Variants in ADAM29 observed in about 807,000 individuals in gnomAD.
ADAM29 encodes disintegrin and metalloproteinase domain-containing protein 29.
For synonymous variants in ADAM29, 367 were observed against 342.3 expected, an observed-to-expected ratio of 1.07 and a Z score of -0.80; for missense variants, 969 against 1,001.8, an observed-to-expected ratio of 0.97 and a Z score of 0.44.
intron 4 of ADAM29, among the ~76,000 whole-genome samples, chr4:174,951,669 G>C (rs918342982): frequency 1.3e-5 from 2 of 152,108 alleles, no homozygotes; most frequent in African/African-American, 4.8e-5. Flanking sequence ...AGTAAGCTTT[G>C]AATGAGCAGA....
At chr4:174,930,192 A>T (rs1019918290) in intron 2 of ADAM29, among the ~76,000 whole-genome samples, 5 of 152,150 alleles carry the variant, frequency 3.3e-5, no homozygotes, top group African/African-American at 1.2e-4. Flanking sequence ...GGCCTCCCAA[A>T]GTGCTGGGAT....
Position 174,977,696 on chromosome 4 carries a change from G to A in ADAM29, c.2171G>A (p.Arg724Gln), listed in dbSNP as rs150256322. Residue 724 changes from arginine to glutamine, a missense_variant, in exon 5 of 5, where the codon CGA (arginine) becomes CAA (glutamine). Arg to Gln is a conservative substitution (Grantham distance 43). Transcript: ENST00000359240. ...AAAGAAGAGGAAAAAATTCAGCGTC[G>A]ACCTCATGAGTTACCTCCCCAGAGT... is the stretch of plus-strand genomic sequence containing the variant. ...SAKEEEKIQR[R>Q]PHELPPQSQP... The A allele has an allele frequency of 4.0e-5, 65 of 1,614,192 alleles. No individual in the cohort carries two copies. Among genetic ancestry groups the A allele is most frequent in the Middle Eastern group, 1.6e-4 (1 of 6,062 alleles).
chr4:174,949,101 G>GTTGGGTAACCCC (rs1459578931), intron 4 of ADAM29, among the ~76,000 whole-genome samples: 3 of 152,084 alleles, frequency 2.0e-5, no homozygotes, highest in Non-Finnish European at 4.4e-5. Context: ...GAGCCCCCAG[G>GTTGGGTAACCCC]AACTGCCCTG....
At chr4:174,937,091 T>C (rs1282605517) in intron 4 of ADAM29, 78 bp downstream of exon 4, 1 of 152,012 alleles carries the variant, frequency 6.6e-6, no homozygotes. Context: ...ACATTTTAAA[T>C]AGATGCCGTG....
intron 2 of ADAM29, among the ~76,000 whole-genome samples, chr4:174,929,584 T>A (rs1485800122): frequency 6.6e-6 from 1 of 152,078 alleles, no homozygotes; most frequent in Non-Finnish European, 1.5e-5. Context: ...GCTAAGCTCC[T>A]CCCTGCTGCA....
At chr4:174,969,931 C>G (rs545709784) in intron 4 of ADAM29, among the ~76,000 whole-genome samples, 24 of 152,094 alleles carry the variant, frequency 1.6e-4, no homozygotes, top group Admixed American at 3.3e-4. Context: ...TGGATCTTGA[C>G]CATATTGCCA....
At chr4:174,936,435 A>G (rs1216008838) in intron 3 of ADAM29, among the ~76,000 whole-genome samples, 2 of 151,976 alleles carry the variant, frequency 1.3e-5, no homozygotes, top group Non-Finnish European at 2.9e-5. Flanking sequence ...GAAGTTTACT[A>G]CTTTAGCAGA....
At chr4:174,971,231 AAT>A (rs970305806) in intron 4 of ADAM29, among the ~76,000 whole-genome samples, 7 of 152,192 alleles carry the variant, frequency 4.6e-5, no homozygotes, top group African/African-American at 1.4e-4. Flanking sequence ...AATAAAAAAT[AAT>A]AGTCATTTAT....
intron 3 of ADAM29, among the ~76,000 whole-genome samples, chr4:174,932,834 G>T (rs1743976528): frequency 6.6e-6 from 1 of 152,158 alleles, no homozygotes; most frequent in African/African-American, 2.4e-5. Context: ...ATTAGCCACA[G>T]TATGGAACGA....
intron 3 of ADAM29, among the ~76,000 whole-genome samples, chr4:174,932,832 C>A (rs1743976091): frequency 6.6e-6 from 1 of 152,212 alleles, no homozygotes. Flanking sequence ...AAATTAGCCA[C>A]AGTATGGAAC....
chr4:174,960,038 T>C (rs932188051), intron 4 of ADAM29, among the ~76,000 whole-genome samples: 2 of 152,178 alleles, frequency 1.3e-5, no homozygotes, highest in South Asian at 2.1e-4. Context: ...AGTTTGATGA[T>C]GTGTTTTTAA....
intron 1 of ADAM29, among the ~76,000 whole-genome samples, chr4:174,918,720 C>G (rs989571895): frequency 6.6e-6 from 1 of 151,524 alleles, no homozygotes; most frequent in African/African-American, 2.4e-5. Flanking sequence ...AAACTTTGTA[C>G]TATTCCTTGT....
chr4:174,971,646 T>G (rs772809923), intron 4 of ADAM29, among the ~76,000 whole-genome samples: 9 of 152,196 alleles, frequency 5.9e-5, no homozygotes, highest in Non-Finnish European at 1.3e-4. Flanking sequence ...GTTTTTGACT[T>G]TTTACAATGT....
intron 4 of ADAM29, among the ~76,000 whole-genome samples, chr4:174,953,092 C>T (rs1433680398): frequency 1.3e-5 from 2 of 152,250 alleles, no homozygotes; most frequent in Admixed American, 6.5e-5. Flanking sequence ...CGAGACCATC[C>T]TGGCTAACAC....
intron 4 of ADAM29, among the ~76,000 whole-genome samples, chr4:174,938,250 G>C (rs1744314562): frequency 6.6e-6 from 1 of 152,004 alleles, no homozygotes; most frequent in South Asian, 2.1e-4. Flanking sequence ...AAGTCTACTA[G>C]GTAGCATGAA....
intron 4 of ADAM29, among the ~76,000 whole-genome samples, chr4:174,939,780 T>C (rs971580965): frequency 2.6e-5 from 4 of 152,122 alleles, no homozygotes; most frequent in African/African-American, 9.7e-5. Flanking sequence ...CACCTTTAGA[T>C]GGAAAGAAAC....
chr4:174,975,890 G>A lies in ADAM29; in HGVS notation c.365G>A (p.Gly122Asp). 2 of 1,613,436 alleles carry A rather than the reference G, an allele frequency of 1.2e-6. No individual in the cohort carries two copies. The highest frequency in any genetic ancestry group is 1.1e-5 in the South Asian group (1 of 90,878). ...SLVSLSTCFG[G>D]FQGILQINDF... ...GTTTCCCTCAGTACCTGTTTTGGGG[G>A]TTTTCAAGGAATATTACAGATAAAT... The change falls in exon 5 of 5, where the codon GGT becomes GAT. Residue 122 changes from glycine to aspartate, a missense_variant. Physicochemically the swap from Gly to Asp is moderately conservative, Grantham distance 94. Transcript: ENST00000359240.
chr4:174,943,961 T>A (rs1310422556), intron 4 of ADAM29, among the ~76,000 whole-genome samples: 1 of 152,084 alleles, frequency 6.6e-6, no homozygotes, highest in Non-Finnish European at 1.5e-5. Flanking sequence ...CCCATCTTTG[T>A]ACAAGAACAC....
chr4:174,966,095 A>T (rs183893385), intron 4 of ADAM29, among the ~76,000 whole-genome samples: 2 of 152,330 alleles, frequency 1.3e-5, no homozygotes, highest in Admixed American at 1.3e-4. Flanking sequence ...AATCATCTCT[A>T]GATTACTTAT....
Sources: gnomAD v4.1 joint callset for allele counts (sites outside exome capture counted in the v4.1 genomes callset) on GRCh38, gnomAD v4.1.1 for gene constraint, MANE v1.5 for transcripts, NCBI Gene and HGNC (gene_info 2026-07-23, HGNC 2026-07-21) for gene names.